GABRG3: variants seen among roughly 807,000 people sequenced by gnomAD.
GABRG3 encodes the protein gamma-aminobutyric acid receptor subunit gamma-3.
GABRG3 carries 25 observed loss-of-function variants against 48.8 expected under a neutral mutation model. The observed-to-expected ratio is 0.51, with a 90% CI of 0.37 to 0.72. The LOEUF (loss-of-function observed/expected upper bound fraction) is 0.72. Among genes scored for constraint, GABRG3 ranks in the 30% least tolerant of loss-of-function variants. GABRG3 has a pLI of 0.00. For synonymous variants in GABRG3, 227 were observed against 217.6 expected (o/e 1.04, Z -0.38); for missense variants, 394 against 577.9 (o/e 0.68, Z 3.26).
intron 3 of GABRG3, among the ~76,000 whole-genome samples, chr15:27,181,848 C>T (rs1887942432): frequency 6.6e-6 from 1 of 152,128 alleles, no homozygotes; most frequent in Admixed American, 6.5e-5. Flanking sequence ...CTGTCAAACT[C>T]TACCAGATAC....
At chr15:26,996,218 G>C (rs950481488) in intron 2 of GABRG3, among the ~76,000 whole-genome samples, 3 of 151,046 alleles carry the variant, frequency 2.0e-5, no homozygotes, top group Non-Finnish European at 3.0e-5. Context: ...TGTTTTTTTT[G>C]TTTAAATTTG....
chr15:27,213,354 CATTCTGTAAAACAG>C (rs1566967228), intron 3 of GABRG3, among the ~76,000 whole-genome samples: 1 of 152,338 alleles, frequency 6.6e-6, no homozygotes, highest in South Asian at 2.1e-4. Context: ...AGAAGCTCCT[CATTCTGTAAAACAG>C]AGTAAGTGTT....
chr15:27,178,507 G>A (rs1273850131), intron 3 of GABRG3, among the ~76,000 whole-genome samples: 2 of 152,176 alleles, frequency 1.3e-5, no homozygotes, highest in Non-Finnish European at 2.9e-5. Flanking sequence ...TTTCTCTTTG[G>A]CTCTCCGAAG....
intron 5 of GABRG3, among the ~76,000 whole-genome samples, chr15:27,471,902 C>T (rs943999696): frequency 1.3e-5 from 2 of 152,166 alleles, no homozygotes; most frequent in African/African-American, 4.8e-5. Context: ...AAGCTAGCCC[C>T]ACTCACTGTA....
chr15:27,407,161 A>T (rs1036433747), intron 5 of GABRG3, among the ~76,000 whole-genome samples: 2 of 152,084 alleles, frequency 1.3e-5, no homozygotes, highest in Non-Finnish European at 2.9e-5. Context: ...TCCAGCCTCA[A>T]GTGATCCACC....
intron 3 of GABRG3, among the ~76,000 whole-genome samples, chr15:27,278,235 A>G (rs1385878681): frequency 6.6e-6 from 1 of 152,078 alleles, no homozygotes; most frequent in East Asian, 1.9e-4. Context: ...TATTTTTAGT[A>G]GAGACGAGGT....
rs75212114 is a variant in GABRG3 at position 26,975,588 on chromosome 15, A to G, written c.54-1414A>G. Among the ~76,000 whole-genome samples, 975 of 152,360 alleles carry G rather than the reference A, an allele frequency of 6.4e-3. 11 individuals carry two copies. Among genetic ancestry groups the G allele is most frequent in the African/African-American group, 0.022 (901 of 41,590 alleles). On this transcript the variant is annotated intron_variant, in intron 1 of 9. Transcript: ENST00000615808. The surrounding 1 kb of genome is among the most constrained non-coding windows in gnomAD (Gnocchi z 4.6). ...CACGCTTTAAAAGACTCATGTATAT[A>G]TTACATAAATATGCATGTGCATATA...
At position 27,199,762 on chromosome 15, in the gene GABRG3, C is replaced by T. The variant is rs185643503; in HGVS notation, c.271-127047C>T. ...CCATAAACCAAATAAACCTTTTCTT[C>T]GTATTAATTACCTAGTCTCAGATAT... On this transcript the variant is annotated intron_variant, in intron 3 of 9. Coordinates refer to ENST00000615808, the MANE Select transcript of GABRG3 (RefSeq NM_033223.5). Among the ~76,000 whole-genome samples the T allele has an allele frequency of 1.9e-3, 284 of 152,238 alleles. 1 individual carries two copies. Among genetic ancestry groups the T allele is most frequent in the Non-Finnish European group, 2.8e-3 (192 of 68,026 alleles).
intron 6 of GABRG3, among the ~76,000 whole-genome samples, chr15:27,516,081 TG>T (rs1891011564): frequency 6.6e-6 from 1 of 151,192 alleles, no homozygotes; most frequent in Non-Finnish European, 1.5e-5. Flanking sequence ...GCCCACAAGA[TG>T]TTATCTAGCA....
chr15:27,358,929 T>TC (rs1417182781), intron 5 of GABRG3, among the ~76,000 whole-genome samples: 1 of 152,200 alleles, frequency 6.6e-6, no homozygotes, highest in African/African-American at 2.4e-5. Flanking sequence ...AGGGCGCTTC[T>TC]CCCGGGGGTC....
At chr15:27,502,908 T>TTC (rs562422849) in intron 6 of GABRG3, among the ~76,000 whole-genome samples, 110 of 152,258 alleles carry the variant, frequency 7.2e-4, no homozygotes, top group South Asian at 3.5e-3. Flanking sequence ...CATGGGTGAG[T>TTC]TCTCGTTCCT....
chr15:27,296,652 T>G (rs886192018), intron 3 of GABRG3, among the ~76,000 whole-genome samples: 2 of 152,160 alleles, frequency 1.3e-5, no homozygotes, highest in Admixed American at 1.3e-4. Flanking sequence ...GTCATTGTAA[T>G]GTTGTAGCTC....
chr15:27,265,881 G>GTTTTTT lies in GABRG3; in HGVS notation c.271-60928_271-60927insTTTTTT, dbSNP rs147459440. ...TGCAAGGTCAAGAAGATTTTCTCCTGGTTTTTTTTTTTTTTTGAGAGTGAC... is the reference window on the plus strand; with the variant it reads ...TGCAAGGTCAAGAAGATTTTCTCCTGTTTTTTGTTTTTTTTTTTTTTTGAGAGTGAC... On this transcript the variant is annotated intron_variant, in intron 3 of 9. Coordinates refer to ENST00000615808, the MANE Select transcript of GABRG3 (RefSeq NM_033223.5). Among the ~76,000 whole-genome samples, 247 of 124,784 alleles carry GTTTTTT rather than the reference G, an allele frequency of 2.0e-3. 54 individuals are homozygous for GTTTTTT. Among genetic ancestry groups the GTTTTTT allele is most frequent in the Non-Finnish European group, 2.1e-3 (132 of 63,918 alleles). 81.9% of individuals were successfully genotyped at this position (124,784 alleles called of 152,430 possible).
At chr15:27,174,106 G>A (rs1312044361) in intron 3 of GABRG3, among the ~76,000 whole-genome samples, 2 of 151,594 alleles carry the variant, frequency 1.3e-5, no homozygotes, top group Non-Finnish European at 2.9e-5. Context: ...AAAAAAAAAC[G>A]AATGGCAATG....
At chr15:27,181,094 T>C (rs1887915553) in intron 3 of GABRG3, among the ~76,000 whole-genome samples, 2 of 152,154 alleles carry the variant, frequency 1.3e-5, no homozygotes, top group South Asian at 2.1e-4. Context: ...CCTCTGTGGC[T>C]CCCAGCATGC....
At chr15:27,480,921 T>G in intron 6 of GABRG3, 134 bp downstream of exon 6, 1 of 1,428,284 alleles carries the variant, frequency 7.0e-7, no homozygotes, top group Non-Finnish European at 9.1e-7. Context: ...AACAAGTGAT[T>G]CAAAGTGAAA....
At chr15:27,477,073 C>T (rs551932726) in intron 5 of GABRG3, among the ~76,000 whole-genome samples, 1 of 152,162 alleles carries the variant, frequency 6.6e-6, no homozygotes, top group South Asian at 2.1e-4. Flanking sequence ...GCAAAATTTT[C>T]CTCAAAAAAC....
chr15:27,527,693 C>A, intron 8 of GABRG3, 64 bp downstream of exon 8: 1 of 1,406,262 alleles, frequency 7.1e-7, no homozygotes, highest in Non-Finnish European at 9.8e-7. Flanking sequence ...TGAGTGTGTA[C>A]TTAAATGCAG....
At chr15:27,357,715 T>C (rs1406488245) in intron 5 of GABRG3, among the ~76,000 whole-genome samples, 1 of 152,230 alleles carries the variant, frequency 6.6e-6, no homozygotes, top group Non-Finnish European at 1.5e-5. Flanking sequence ...ACATGTAATT[T>C]CTGTGAAGGA....
Sources: allele counts gnomAD v4.1 joint callset (sites outside exome capture counted in the v4.1 genomes callset), GRCh38; gene constraint gnomAD v4.1.1; non-coding constraint Gnocchi (gnomAD v3.1); transcripts MANE v1.5; gene names NCBI Gene and HGNC (gene_info 2026-07-23, HGNC 2026-07-21).